Variants in SMURF1 observed in about 807,000 individuals in gnomAD.
The protein encoded by SMURF1 is SMAD specific E3 ubiquitin protein ligase 1.
A neutral mutation model predicts 98.0 loss-of-function variants in SMURF1; 44 were observed. The ratio of observed to expected loss-of-function variants is 0.45; its 90% confidence interval spans 0.35 to 0.58. The LOEUF is 0.58. SMURF1 is among the 20% of genes least tolerant of loss of function. SMURF1 has a pLI of 0.00. For synonymous variants in SMURF1, 396 were observed against 374.9 expected, an observed-to-expected ratio of 1.06 and a Z score of -0.65; for missense variants, 687 against 938.4, an observed-to-expected ratio of 0.73 and a Z score of 3.50.
At chr7:99,079,474 G>A (rs1171352184) in intron 1 of SMURF1, among the ~76,000 whole-genome samples, 1 of 152,166 alleles carries the variant, frequency 6.6e-6, no homozygotes. Context: ...ACATTTACAA[G>A]AAGTCACCTC....
chr7:99,122,516 C>T (rs1454725357), intron 1 of SMURF1, among the ~76,000 whole-genome samples: 3 of 149,972 alleles, frequency 2.0e-5, no homozygotes, highest in African/African-American at 2.5e-5. Flanking sequence ...TGGTGGCGGG[C>T]GCCTGTAATC....
chr7:99,090,906 C>G (rs1438179346), intron 1 of SMURF1, among the ~76,000 whole-genome samples: 1 of 152,164 alleles, frequency 6.6e-6, no homozygotes, highest in East Asian at 1.9e-4. Context: ...AGAAGTTACT[C>G]AGGTCTCAAA....
At chr7:99,119,432 C>T (rs1797544647) in intron 1 of SMURF1, among the ~76,000 whole-genome samples, 1 of 152,106 alleles carries the variant, frequency 6.6e-6, no homozygotes, top group Admixed American at 6.5e-5. Flanking sequence ...TGAAAATATG[C>T]TCACAGGAAG....
At chr7:99,032,882 CTTCT>C in intron 17 of SMURF1, 151 bp downstream of exon 17, 1 of 958,758 alleles carries the variant, frequency 1.0e-6, no homozygotes, top group Non-Finnish European at 1.6e-6. Context: ...AGAATTTCTC[CTTCT>C]GTCTCAGGTG....
intron 13 of SMURF1, 62 bp downstream of exon 13, chr7:99,040,316 T>C (rs1027043622): frequency 7.4e-5 from 104 of 1,396,868 alleles, no homozygotes; most frequent in Non-Finnish European, 9.0e-5. Context: ...CGCACGCGCA[T>C]ACATACGATA....
At chr7:99,049,788 C>T in intron 8 of SMURF1, 79 bp from the exon 9 acceptor site, 1 of 1,410,820 alleles carries the variant, frequency 7.1e-7, no homozygotes, top group East Asian at 2.3e-5. Flanking sequence ...ACAGAAGCCA[C>T]AGAGGTTCCT....
At chr7:99,043,693 C>G (rs1369765291) in intron 11 of SMURF1, among the ~76,000 whole-genome samples, 1 of 152,162 alleles carries the variant, frequency 6.6e-6, no homozygotes, top group African/African-American at 2.4e-5. Context: ...ACAAGTGTTC[C>G]GCTGTGTGTT....
chr7:99,055,977 G>T (rs909526855), intron 5 of SMURF1, among the ~76,000 whole-genome samples: 9 of 151,982 alleles, frequency 5.9e-5, no homozygotes, highest in Non-Finnish European at 1.3e-4. Context: ...AAAAAAAAAT[G>T]AATAAAGACA....
At chr7:99,030,715 G>C (rs746468607) in intron 17 of SMURF1, 32 bp from the exon 18 acceptor site, 1 of 1,595,256 alleles carries the variant, frequency 6.3e-7, no homozygotes, top group South Asian at 1.1e-5. Context: ...TCACCGTGTG[G>C]GCAGTCCAGC....
At chr7:99,115,854 T>C (rs1252877614) in intron 1 of SMURF1, among the ~76,000 whole-genome samples, 2 of 151,756 alleles carry the variant, frequency 1.3e-5, no homozygotes, top group African/African-American at 4.9e-5. Context: ...GCTTCACTGG[T>C]GAGCTTTACC....
rs114304946 is a variant in SMURF1 at position 99,085,767 on chromosome 7, G to A, written c.56-23930C>T. ...CTGTACTCTACCCGTTATTCTCCCC[G>A]TCCCCTTGGCAACTTCCAATCTTTT... On this transcript the variant is annotated intron_variant, in intron 1 of 17. Transcript: ENST00000361368. 9.6e-3 allele frequency among the ~76,000 whole-genome samples: 1,464 copies of A among 152,140 alleles called. 19 individuals are homozygous for A. Among genetic ancestry groups the A allele is most frequent in the Middle Eastern group, 0.024 (7 of 294 alleles).
In SMURF1 at chr7:99,054,881, A is replaced by G; in HGVS notation, c.404-16T>C. On this transcript the variant is annotated splice_polypyrimidine_tract_variant and intron_variant, in intron 5 of 17. Coordinates refer to ENST00000361368, the MANE Select transcript of SMURF1 (RefSeq NM_181349.3). The stretch of plus-strand genomic sequence containing the variant: ...TGTAAACTGACTAAAAGAGAAAAGA[A>G]CGACTTGTGTTAAAACCCAGCGGGG... 6.2e-7 allele frequency: 1 copy of G among 1,613,676 alleles called. No homozygotes were observed. The highest frequency in any genetic ancestry group is 8.5e-7 in the Non-Finnish European group (1 of 1,179,636).
intron 1 of SMURF1, among the ~76,000 whole-genome samples, chr7:99,140,160 A>T (rs1192224553): frequency 6.6e-6 from 1 of 152,158 alleles, no homozygotes; most frequent in Non-Finnish European, 1.5e-5. Flanking sequence ...CTTGTTCCGT[A>T]ACATGTAGTT....
At chr7:99,036,977 G>T in intron 15 of SMURF1, 90 bp downstream of exon 15, 1 of 1,567,784 alleles carries the variant, frequency 6.4e-7, no homozygotes, top group South Asian at 1.1e-5. Context: ...CTAGAAAGCG[G>T]CACACACTGC....
intron 1 of SMURF1, among the ~76,000 whole-genome samples, chr7:99,120,480 C>T (rs377643424): frequency 3.3e-5 from 5 of 152,046 alleles, no homozygotes; most frequent in Admixed American, 6.6e-5. Flanking sequence ...CCACTTCCAT[C>T]AGATTACCAC....
intron 1 of SMURF1, among the ~76,000 whole-genome samples, chr7:99,080,092 A>G (rs753084183): frequency 2.5e-4 from 38 of 152,196 alleles, no homozygotes; most frequent in Admixed American, 8.5e-4. Context: ...AAATAAAACC[A>G]CAAGGAACAA....
chr7:99,133,976 G>A (rs899058010), intron 1 of SMURF1, among the ~76,000 whole-genome samples: 1 of 152,138 alleles, frequency 6.6e-6, no homozygotes, highest in African/African-American at 2.4e-5. Context: ...TCTTTGCCAG[G>A]GGGGTGCGGC....
At chr7:99,117,266 A>C (rs1180079990) in intron 1 of SMURF1, among the ~76,000 whole-genome samples, 2 of 152,312 alleles carry the variant, frequency 1.3e-5, no homozygotes, top group East Asian at 3.9e-4. Context: ...TTAGAATAAA[A>C]CATAGAGGTA....
intron 12 of SMURF1, among the ~76,000 whole-genome samples, chr7:99,041,014 C>T (rs73709532): frequency 0.037 from 5,639 of 151,826 alleles, 153 homozygotes; most frequent in African/African-American, 0.081. Context: ...CGATCCAGAA[C>T]GAAAGGAAGA....
Sources: allele counts gnomAD v4.1 joint callset (sites outside exome capture counted in the v4.1 genomes callset), GRCh38; gene constraint gnomAD v4.1.1; transcripts MANE v1.5; gene names NCBI Gene and HGNC (gene_info 2026-07-23, HGNC 2026-07-21).